The following ADAM28 variants were observed in gnomAD, a reference collection of about 807,000 sequenced individuals.
ADAM28 encodes ADAM metallopeptidase domain 28, also known as disintegrin and metalloproteinase domain-containing protein 28.
In ADAM28, 105 loss-of-function variants were observed where a neutral mutation model predicts 101.2. That is an observed-to-expected ratio of 1.04 (90% CI 0.89 to 1.22). The LOEUF (loss-of-function observed/expected upper bound fraction) is 1.22, where lower values mean the gene tolerates loss of function less well. ADAM28 is among the 50% of genes most tolerant of loss of function. ADAM28 has a pLI of 0.00. For missense variants in ADAM28, 1,028 were observed against 945.4 expected, an observed-to-expected ratio of 1.09 and a Z score of -1.15; for synonymous variants, 322 against 310.6, an observed-to-expected ratio of 1.04 and a Z score of -0.39.
chr8:24,320,712 GA>G (rs963010626), intron 7 of ADAM28, among the ~76,000 whole-genome samples: 50 of 152,084 alleles, frequency 3.3e-4, no homozygotes, highest in African/African-American at 1.2e-3. Flanking sequence ...GGAATCCTCT[GA>G]AAAGGCAAAT....
At chr8:24,338,260 T>G (rs999546766) in intron 14 of ADAM28, among the ~76,000 whole-genome samples, 1 of 152,188 alleles carries the variant, frequency 6.6e-6, no homozygotes, top group African/African-American at 2.4e-5. Context: ...TTCAATACAA[T>G]TTTTGCAGCT....
At chr8:24,347,198 ATTAG>A (rs1033736673) in intron 18 of ADAM28, among the ~76,000 whole-genome samples, 1 of 152,064 alleles carries the variant, frequency 6.6e-6, no homozygotes, top group African/African-American at 2.4e-5. Flanking sequence ...CCTTTACTCT[ATTAG>A]TACTGTCAAA....
intron 21 of ADAM28, among the ~76,000 whole-genome samples, chr8:24,353,143 G>A (rs2129344598): frequency 6.6e-6 from 1 of 152,238 alleles, no homozygotes; most frequent in African/African-American, 2.4e-5. Context: ...CAATTATTGA[G>A]AAACGATAAA....
chr8:24,332,903 C>T (rs1279757137), intron 13 of ADAM28, among the ~76,000 whole-genome samples, 154 bp downstream of exon 13: 1 of 152,132 alleles, frequency 6.6e-6, no homozygotes, highest in East Asian at 1.9e-4. Context: ...GTGTTCTACA[C>T]ACATGGCCTA....
Position 24,354,615 on chromosome 8 carries a change from C to A in ADAM28, c.*211C>A. The A allele has an allele frequency of 2.3e-6, 1 of 427,596 alleles. No homozygotes were observed. Among genetic ancestry groups the A allele is most frequent in the Non-Finnish European group, 4.2e-6 (1 of 238,432 alleles). 26.5% of individuals were successfully genotyped at this position (427,596 alleles called of 1,614,324 possible). A position where few individuals can be genotyped will look rare whatever the true frequency, so the allele number is the denominator to read the frequency against. ...GAACCTTTGCATGAATTTAAAATTT[C>A]AATTATCCATTCTTATAAGAAGGAA... is the stretch of plus-strand genomic sequence containing the variant. On this transcript the variant is annotated 3_prime_UTR_variant, in exon 23 of 23. Coordinates refer to ENST00000265769, the MANE Select transcript of ADAM28 (RefSeq NM_014265.6).
chr8:24,343,478 G>T (rs371106714), intron 17 of ADAM28, 28 bp from the exon 18 acceptor site: 1 of 1,609,718 alleles, frequency 6.2e-7, no homozygotes, highest in Non-Finnish European at 8.5e-7. Flanking sequence ...GCCTAGCGGG[G>T]ACAGTAACAG....
At chr8:24,306,976 G>T (rs542012022) in intron 2 of ADAM28, among the ~76,000 whole-genome samples, 40 of 152,206 alleles carry the variant, frequency 2.6e-4, no homozygotes, top group African/African-American at 9.4e-4. Context: ...ATCTTTGTTT[G>T]CCACACAACA....
At chr8:24,342,695 G>A (rs1258349513) in intron 16 of ADAM28, among the ~76,000 whole-genome samples, 2 of 152,050 alleles carry the variant, frequency 1.3e-5, no homozygotes, top group East Asian at 3.9e-4. Context: ...TAAAGACATT[G>A]AGACATTATC....
chr8:24,310,315 A>C (rs1252635799), intron 4 of ADAM28, 74 bp downstream of exon 4: 2 of 1,378,272 alleles, frequency 1.5e-6, no homozygotes, highest in African/African-American at 2.9e-5. Context: ...TTGCCAGGCA[A>C]ATAATAGAAG....
At chr8:24,312,211 T>A (rs1251938443) in intron 5 of ADAM28, among the ~76,000 whole-genome samples, 1 of 152,216 alleles carries the variant, frequency 6.6e-6, no homozygotes, top group African/African-American at 2.4e-5. Flanking sequence ...CTTTTTCATA[T>A]TTTCAGTTGG....
chr8:24,299,509 A>C (rs1171395058), intron 1 of ADAM28, among the ~76,000 whole-genome samples: 1 of 152,182 alleles, frequency 6.6e-6, no homozygotes, highest in Admixed American at 6.5e-5. Context: ...ATCCAAGAAA[A>C]ATAGAATAAA....
At chr8:24,350,313 C>T (rs1166536958) in intron 19 of ADAM28, among the ~76,000 whole-genome samples, 1 of 151,912 alleles carries the variant, frequency 6.6e-6, no homozygotes, top group East Asian at 1.9e-4. Flanking sequence ...AAGCACCGCC[C>T]CACCCACTTT....
intron 1 of ADAM28, among the ~76,000 whole-genome samples, chr8:24,298,592 A>T (rs1026362910): frequency 2.6e-5 from 4 of 152,216 alleles, no homozygotes; most frequent in African/African-American, 9.7e-5. Context: ...ACAGTAACAT[A>T]AATGTATCTC....
At chr8:24,309,701 G>A (rs1232089897) in intron 2 of ADAM28, among the ~76,000 whole-genome samples, 193 bp from the exon 3 acceptor site, 4 of 152,116 alleles carry the variant, frequency 2.6e-5, no homozygotes, top group Non-Finnish European at 5.9e-5. Context: ...AAGGGTGGAT[G>A]GATAAAAGGC....
chr8:24,310,800 A>G (rs1042921351), intron 4 of ADAM28, among the ~76,000 whole-genome samples: 2 of 152,118 alleles, frequency 1.3e-5, no homozygotes, highest in African/African-American at 4.8e-5. Flanking sequence ...ACATGGGTCA[A>G]CACCTCATCT....
intron 6 of ADAM28, among the ~76,000 whole-genome samples, chr8:24,315,167 A>G (rs1196930511): frequency 6.6e-6 from 1 of 151,970 alleles, no homozygotes; most frequent in African/African-American, 2.4e-5. Flanking sequence ...AGATCTGACT[A>G]TATGCTGCCT....
intron 20 of ADAM28, 91 bp downstream of exon 20, chr8:24,351,401 C>G (rs1212327940): frequency 7.5e-7 from 1 of 1,336,836 alleles, no homozygotes; most frequent in Non-Finnish European, 1.1e-6. Context: ...TCATTTCTAC[C>G]CAGCAGCGTT....
chr8:24,323,602 A>G (rs1585618998), intron 8 of ADAM28, among the ~76,000 whole-genome samples: 2 of 151,678 alleles, frequency 1.3e-5, no homozygotes, highest in Admixed American at 1.3e-4. Flanking sequence ...ACCACCCCCC[A>G]CCCAAAAAAG....
rs150549394 is a variant in ADAM28, at chr8:24,317,095, A to C, written c.577-3141A>C. 4.8e-3 allele frequency among the ~76,000 whole-genome samples: 727 copies of C among 152,208 alleles called. 6 individuals carry two copies. Among genetic ancestry groups the C allele is most frequent in the African/African-American group, 0.017 (694 of 41,560 alleles). ...GAATATCCCATGCTCATGAATTAGA[A>C]GAATGTTGTTAAAATGTTCATACTA... On this transcript the variant is annotated intron_variant, in intron 6 of 22. Transcript: ENST00000265769.
Sources: allele counts gnomAD v4.1 joint callset (sites outside exome capture counted in the v4.1 genomes callset), GRCh38; gene constraint gnomAD v4.1.1; transcripts MANE v1.5; gene names NCBI Gene and HGNC (gene_info 2026-07-23, HGNC 2026-07-21).